The following ADGRV1 variants were observed in gnomAD, a reference collection of about 807,000 sequenced individuals.
ADGRV1 encodes adhesion G protein-coupled receptor V1, also known as G-protein coupled receptor 98.
A neutral mutation model predicts 596.2 loss-of-function variants in ADGRV1; 359 were observed. The ratio of observed to expected loss-of-function variants is 0.60; its 90% CI spans 0.55 to 0.66. The LOEUF (loss-of-function observed/expected upper bound fraction) is 0.66. ADGRV1 is among the 30% of genes least tolerant of loss of function. ADGRV1 has a pLI of 0.00. For missense variants in ADGRV1, 7,274 were observed against 7,575.6 expected, an observed-to-expected ratio of 0.96 and a Z score of 1.48; for synonymous variants, 2,681 against 2,679.2, an observed-to-expected ratio of 1.00 and a Z score of -0.02.
chr5:90,679,443 A>C (rs544531303), intron 25 of ADGRV1, 106 bp from the exon 26 acceptor site: 1 of 662,610 alleles, frequency 1.5e-6, no homozygotes, highest in African/African-American at 1.8e-5. Context: ...TATTGGGTGA[A>C]TATTACTGCA....
At chr5:90,625,029 T>A (rs1742022849) in intron 5 of ADGRV1, 101 bp from the exon 6 acceptor site, 1 of 685,452 alleles carries the variant, frequency 1.5e-6, no homozygotes, top group African/African-American at 1.8e-5. Context: ...TTGCAGAACA[T>A]CTTTAAACTT....
chr5:90,620,555 C>T (rs1763930784), intron 4 of ADGRV1, among the ~76,000 whole-genome samples: 1 of 152,078 alleles, frequency 6.6e-6, no homozygotes. Flanking sequence ...GTTGCCTGTT[C>T]ACTCTGATGG....
chr5:90,868,434 G>A (rs1256611515), intron 83 of ADGRV1, among the ~76,000 whole-genome samples: 1 of 152,004 alleles, frequency 6.6e-6, no homozygotes, highest in Admixed American at 6.6e-5. Flanking sequence ...CCTTAGGCAA[G>A]TGGACTAAGA....
At chr5:90,604,796 T>C (rs1275678470) in intron 1 of ADGRV1, among the ~76,000 whole-genome samples, 1 of 152,210 alleles carries the variant, frequency 6.6e-6, no homozygotes, top group Non-Finnish European at 1.5e-5. Flanking sequence ...CATACTCAGA[T>C]TTATAACCTA....
At chr5:90,693,479 C>T (rs1746760312) in intron 32 of ADGRV1, among the ~76,000 whole-genome samples, 1 of 150,218 alleles carries the variant, frequency 6.7e-6, no homozygotes, top group Admixed American at 6.6e-5. Context: ...TATTTTTGAT[C>T]TGCGGTCTTG....
intron 87 of ADGRV1, among the ~76,000 whole-genome samples, chr5:91,124,195 A>G (rs1021605220): frequency 6.6e-6 from 1 of 152,160 alleles, no homozygotes; most frequent in Non-Finnish European, 1.5e-5. Flanking sequence ...TCTGAGTACC[A>G]TTATTCATTA....
intron 85 of ADGRV1, among the ~76,000 whole-genome samples, chr5:91,066,712 A>C (rs1273029033): frequency 6.6e-6 from 1 of 152,096 alleles, no homozygotes; most frequent in Non-Finnish European, 1.5e-5. Flanking sequence ...TCCTTTGCAA[A>C]TGTTAAGTGT....
At chr5:91,108,591 T>G (rs1005323790) in intron 87 of ADGRV1, among the ~76,000 whole-genome samples, 3 of 151,388 alleles carry the variant, frequency 2.0e-5, no homozygotes, top group African/African-American at 7.3e-5. Flanking sequence ...GTCCTCTTTC[T>G]CTACAGTCTT....
At chr5:90,718,778 C>G (rs1750504124) in intron 43 of ADGRV1, among the ~76,000 whole-genome samples, 1 of 151,304 alleles carries the variant, frequency 6.6e-6, no homozygotes, top group Admixed American at 6.6e-5. Context: ...TAAAATTTTT[C>G]TCAAATTTGT....
At chr5:90,690,704 G>A in intron 30 of ADGRV1, 93 bp from the exon 31 acceptor site, 4 of 1,257,890 alleles carry the variant, frequency 3.2e-6, no homozygotes, top group South Asian at 2.8e-5. Flanking sequence ...TTGCTTAGGG[G>A]GGAAGAGAAT....
Position 91,035,861 on chromosome 5 carries a change from T to TATAATATATATA in ADGRV1, c.18153-36586_18153-36585insATAATATATATA. Among the ~76,000 whole-genome samples the TATAATATATATA allele has an allele frequency of 3.0e-4, 29 of 96,378 alleles. 1 individual carries two copies. Among genetic ancestry groups the TATAATATATATA allele is most frequent in the South Asian group, 1.1e-3 (3 of 2,842 alleles). The allele number at this position is 96,378 out of a possible 152,430, so 63.2% of individuals were successfully genotyped here. Reference sequence around the variant, plus strand: ...ATGAGTGTGTATATATATATATATATTATATATATATATATATATATCTTA... The same window carrying TATAATATATATA: ...ATGAGTGTGTATATATATATATATATATAATATATATATATATATATATATATATATATCTTA... On this transcript the variant is annotated intron_variant, in intron 85 of 89. Transcript: ENST00000405460.
chr5:90,760,933 C>A (rs1184000270), intron 58 of ADGRV1, among the ~76,000 whole-genome samples: 1 of 152,174 alleles, frequency 6.6e-6, no homozygotes, highest in Non-Finnish European at 1.5e-5. Flanking sequence ...AATATTATGA[C>A]CTTACCTTTC....
chr5:90,851,608 G>A (rs1218728188), intron 79 of ADGRV1, among the ~76,000 whole-genome samples: 1 of 152,184 alleles, frequency 6.6e-6, no homozygotes, highest in African/African-American at 2.4e-5. Flanking sequence ...GTCCAACTGA[G>A]GTTGGTCACT....
Position 90,823,504 on chromosome 5 carries a change from CTGG to C in ADGRV1, c.16280_16282del (p.Val5427del). 1 of 1,613,856 alleles carries C rather than the reference CTGG, an allele frequency of 6.2e-7. No individual in the cohort carries two copies. The highest frequency in any genetic ancestry group is 8.5e-7 in the Non-Finnish European group (1 of 1,179,816). ...CGTGCTCCAGAAGGATGGGGTAAAC[CTGG>C]TGGAGGAACTTCAGTCTGTGTCAGG... On this transcript the variant is annotated inframe_deletion, in exon 76 of 90. Transcript: ENST00000405460.
intron 87 of ADGRV1, among the ~76,000 whole-genome samples, chr5:91,104,760 T>C (rs1370589376): frequency 1.3e-5 from 2 of 152,182 alleles, no homozygotes; most frequent in Non-Finnish European, 2.9e-5. Flanking sequence ...ATAAATAATA[T>C]TGGGTTGATG....
At chr5:90,824,401 T>C (rs1763892084) in intron 76 of ADGRV1, among the ~76,000 whole-genome samples, 1 of 152,250 alleles carries the variant, frequency 6.6e-6, no homozygotes, top group Non-Finnish European at 1.5e-5. Context: ...GATCTATATG[T>C]ATGTACTACA....
chr5:90,596,967 CAAAG>C (rs544473712), intron 1 of ADGRV1, among the ~76,000 whole-genome samples: 18 of 152,210 alleles, frequency 1.2e-4, no homozygotes, highest in Admixed American at 3.9e-4. Flanking sequence ...AGTTATAAGA[CAAAG>C]AATAATATTA....
chr5:91,030,645 G>A (rs910426396), intron 85 of ADGRV1, among the ~76,000 whole-genome samples: 1 of 151,950 alleles, frequency 6.6e-6, no homozygotes, highest in African/African-American at 2.4e-5. Context: ...CAATGGAAAT[G>A]TTCATATTTA....
intron 1 of ADGRV1, among the ~76,000 whole-genome samples, chr5:90,601,316 T>C (rs755687876): frequency 4.5e-4 from 69 of 151,792 alleles, no homozygotes; most frequent in Admixed American, 1.2e-3. Context: ...TCTGTGGCAA[T>C]AGGCTTTTTA....
Sources: allele counts gnomAD v4.1 joint callset (sites outside exome capture counted in the v4.1 genomes callset), GRCh38; gene constraint gnomAD v4.1.1; transcripts MANE v1.5; gene names NCBI Gene and HGNC (gene_info 2026-07-23, HGNC 2026-07-21).